PIP4K2A: variants seen among roughly 807,000 people sequenced by gnomAD.
PIP4K2A encodes phosphatidylinositol 5-phosphate 4-kinase type-2 alpha.
In PIP4K2A, 14 loss-of-function variants were observed where a neutral mutation model predicts 42.9. The observed-to-expected ratio is 0.33, with a 90% CI of 0.22 to 0.51. The LOEUF is 0.51. PIP4K2A is among the 20% of genes least tolerant of loss of function. The pLI is 0.97. For missense variants in PIP4K2A, 434 were observed against 519.8 expected, an observed-to-expected ratio of 0.83 and a Z score of 1.61; for synonymous variants, 192 against 192.2, an observed-to-expected ratio of 1.00 and a Z score of 0.01.
At position 22,535,577 on chromosome 10, in the gene PIP4K2A, G is replaced by A. The variant is rs1303066084; in HGVS notation, c.*1624C>T. 3 of 152,244 alleles carry A rather than the reference G, an allele frequency of 2.0e-5. No homozygotes were observed. The highest frequency in any genetic ancestry group is 2.1e-4 in the South Asian group (1 of 4,830). 9.4% of individuals were successfully genotyped at this position (152,244 alleles called of 1,614,324 possible). Reference sequence around the variant, plus strand: ...AGTTGCAAGTAATAATTAAAGGGTCGATTTTTGTTTGTTTGTTTTCTTTTC... The same window carrying A: ...AGTTGCAAGTAATAATTAAAGGGTCAATTTTTGTTTGTTTGTTTTCTTTTC... On this transcript the variant is annotated 3_prime_UTR_variant, in exon 10 of 10. Transcript: ENST00000376573.
chr10:22,623,625 G>A (rs945212727), intron 1 of PIP4K2A, among the ~76,000 whole-genome samples: 2 of 152,158 alleles, frequency 1.3e-5, no homozygotes, highest in East Asian at 1.9e-4. Flanking sequence ...GGGGACGTCC[G>A]TGCACTGCTC....
chr10:22,548,857 G>A (rs879117646), intron 7 of PIP4K2A, among the ~76,000 whole-genome samples: 4 of 150,064 alleles, frequency 2.7e-5, no homozygotes, highest in South Asian at 2.1e-4. Flanking sequence ...ACCAGCCTGC[G>A]CAACAAAGCA....
chr10:22,628,399 G>GA (rs1838489714), intron 1 of PIP4K2A, among the ~76,000 whole-genome samples: 2 of 152,222 alleles, frequency 1.3e-5, no homozygotes, highest in Middle Eastern at 3.4e-3. Flanking sequence ...AAAAATCACA[G>GA]AAAAAATTGT....
At chr10:22,605,737 A>G (rs1215399369) in intron 3 of PIP4K2A, among the ~76,000 whole-genome samples, 1 of 152,118 alleles carries the variant, frequency 6.6e-6, no homozygotes, top group Admixed American at 6.6e-5. Context: ...AACCCAGCCA[A>G]ACAAAAAAAG....
chr10:22,640,143 C>G (rs1254280890), intron 1 of PIP4K2A, among the ~76,000 whole-genome samples: 2 of 149,708 alleles, frequency 1.3e-5, no homozygotes, highest in Non-Finnish European at 2.9e-5. Flanking sequence ...TTTGAATGAT[C>G]ACTTTTATTA....
chr10:22,646,516 C>T (rs1226865065), intron 1 of PIP4K2A, among the ~76,000 whole-genome samples: 1 of 152,104 alleles, frequency 6.6e-6, no homozygotes, highest in African/African-American at 2.4e-5. Context: ...TACAAACAGC[C>T]TTGCTCTCTG....
chr10:22,660,631 C>T (rs1839189408), intron 1 of PIP4K2A, among the ~76,000 whole-genome samples: 1 of 152,054 alleles, frequency 6.6e-6, no homozygotes, highest in South Asian at 2.1e-4. Flanking sequence ...TCACTTTGCA[C>T]AAAAGATGAG....
At chr10:22,663,640 G>A (rs1839251192) in intron 1 of PIP4K2A, among the ~76,000 whole-genome samples, 1 of 152,090 alleles carries the variant, frequency 6.6e-6, no homozygotes, top group African/African-American at 2.4e-5. Flanking sequence ...TCTAGGGATA[G>A]TCACTATAAA....
intron 9 of PIP4K2A, 55 bp downstream of exon 9, chr10:22,539,911 GGGAGA>G (rs1836055314): frequency 3.9e-4 from 43 of 110,654 alleles, no homozygotes; most frequent in South Asian, 4.4e-4. Flanking sequence ...GAGAGAGAGA[GGGAGA>G]GAGAGAGAGA....
At chr10:22,566,439 A>T (rs1224287819) in intron 6 of PIP4K2A, among the ~76,000 whole-genome samples, 1 of 152,124 alleles carries the variant, frequency 6.6e-6, no homozygotes, top group Admixed American at 6.5e-5. Context: ...CCTAAACCAG[A>T]AACTTGGGGG....
intron 1 of PIP4K2A, among the ~76,000 whole-genome samples, chr10:22,633,058 T>A (rs1453421241): frequency 6.6e-6 from 1 of 152,146 alleles, no homozygotes. Context: ...GTAACCACCT[T>A]AACCCTGTGA....
At chr10:22,690,222 A>T in intron 1 of PIP4K2A, among the ~76,000 whole-genome samples, 1 of 152,204 alleles carries the variant, frequency 6.6e-6, no homozygotes, top group Non-Finnish European at 1.5e-5. Flanking sequence ...CCCAAAATCT[A>T]GGTGCTAATA....
chr10:22,591,760 G>T lies in PIP4K2A; in HGVS notation c.361C>A (p.Pro121Thr), dbSNP rs766438573. The T allele has an allele frequency of 6.2e-7, 1 of 1,612,182 alleles. No individual in the cohort carries two copies. Among genetic ancestry groups the T allele is most frequent in the Admixed American group, 1.7e-5 (1 of 59,804 alleles). ...DFQNSLTRSA[P>T]LPNDSQARSG... ...CGGGCCTGGGAGTCGTTGGGGAGGG[G>T]TGCGCTCCTGGTCAGGGAATTCTTC... The change falls in exon 4 of 10, where the codon CCC becomes ACC. Residue 121 changes from proline to threonine, a missense_variant. Pro to Thr is a conservative substitution (Grantham distance 38). Transcript: ENST00000376573.
At chr10:22,581,565 T>TAAAAAAAAA (rs531477426) in intron 4 of PIP4K2A, among the ~76,000 whole-genome samples, 1 of 78,674 alleles carries the variant, frequency 1.3e-5, no homozygotes, top group African/African-American at 5.6e-5. Flanking sequence ...ATCCTATCTC[T>TAAAAAAAAA]AAAAAAAAAA....
intron 6 of PIP4K2A, among the ~76,000 whole-genome samples, chr10:22,561,833 T>C: frequency 6.6e-6 from 1 of 152,160 alleles, no homozygotes; most frequent in East Asian, 1.9e-4. Context: ...CCTAAAGTGC[T>C]GGGATTACAG....
At chr10:22,664,035 A>ATATATATATACG (rs1383959728) in intron 1 of PIP4K2A, among the ~76,000 whole-genome samples, 3 of 106,230 alleles carry the variant, frequency 2.8e-5, no homozygotes, top group African/African-American at 5.8e-5. Flanking sequence ...ATATATACAT[A>ATATATATATACG]TATATATATA....
At chr10:22,692,758 CA>C (rs1839898617) in intron 1 of PIP4K2A, among the ~76,000 whole-genome samples, 1 of 152,138 alleles carries the variant, frequency 6.6e-6, no homozygotes, top group African/African-American at 2.4e-5. Flanking sequence ...TCATTTGACC[CA>C]ATGGTACAAG....
chr10:22,564,558 T>G (rs75689693), intron 6 of PIP4K2A, among the ~76,000 whole-genome samples: 1 of 152,170 alleles, frequency 6.6e-6, no homozygotes, highest in Admixed American at 6.5e-5. Context: ...AAATTTAGCC[T>G]CTGAGCTTCT....
chr10:22,628,563 C>A (rs1232257452), intron 1 of PIP4K2A, among the ~76,000 whole-genome samples: 1 of 152,106 alleles, frequency 6.6e-6, no homozygotes, highest in Non-Finnish European at 1.5e-5. Context: ...AACATGTGCC[C>A]AAGGAGGCTG....
Sources: allele counts gnomAD v4.1 joint callset (sites outside exome capture counted in the v4.1 genomes callset), GRCh38; gene constraint gnomAD v4.1.1; transcripts MANE v1.5; gene names NCBI Gene and HGNC (gene_info 2026-07-23, HGNC 2026-07-21).